LMO7: variants seen among roughly 807,000 people sequenced by gnomAD.
LMO7 encodes LIM domain only protein 7.
In LMO7, 120 loss-of-function variants were observed where a neutral mutation model predicts 206.5. The ratio of observed to expected loss-of-function variants is 0.58; its 90% CI spans 0.50 to 0.68. The LOEUF (loss-of-function observed/expected upper bound fraction) is 0.68. Ranked by LOEUF, LMO7 falls within the 30% of genes least tolerant of loss-of-function variation. The pLI, the probability that LMO7 is intolerant of heterozygous loss-of-function variation, is 0.00. For synonymous variants in LMO7, 706 were observed against 681.5 expected (o/e 1.04, Z -0.56); for missense variants, 1,959 against 1,957.9 (o/e 1.00, Z -0.01).
At chr13:75,632,844 T>C (rs1223424859), upstream of LMO7, among the ~76,000 whole-genome samples, 3 of 150,236 alleles carry the variant, frequency 2.0e-5, no homozygotes, top group Admixed American at 6.6e-5. Context: ...ATATGAGGTA[T>C]TCACTAATTA....
intron 19 of LMO7, among the ~76,000 whole-genome samples, chr13:75,837,155 C>T (rs1265113436): frequency 6.6e-6 from 1 of 152,180 alleles, no homozygotes; most frequent in Non-Finnish European, 1.5e-5. Flanking sequence ...TTTAAATCTA[C>T]ATTCGATAGT....
intron 15 of LMO7, among the ~76,000 whole-genome samples, chr13:75,832,413 G>T (rs915973181): frequency 6.6e-6 from 1 of 152,112 alleles, no homozygotes; most frequent in East Asian, 1.9e-4. Flanking sequence ...GGACCCTCTT[G>T]GTATCTTAAG....
At chr13:75,682,719 T>G (rs1175570220) in intron 1 of LMO7, among the ~76,000 whole-genome samples, 1 of 152,158 alleles carries the variant, frequency 6.6e-6, no homozygotes, top group Non-Finnish European at 1.5e-5. Context: ...TCTAGTCCAT[T>G]TCATTGTTCA....
intron 4 of LMO7, among the ~76,000 whole-genome samples, chr13:75,786,632 G>A (rs1034916706): frequency 2.6e-5 from 4 of 151,826 alleles, no homozygotes; most frequent in Non-Finnish European, 4.4e-5. Context: ...TGATCTGCCC[G>A]CCTCGGCCTC....
chr13:75,773,877 GAGA>G (rs945150368), intron 4 of LMO7, among the ~76,000 whole-genome samples: 6 of 152,160 alleles, frequency 3.9e-5, no homozygotes, highest in Admixed American at 6.6e-5. Flanking sequence ...AAGGTGGAAA[GAGA>G]AGTATTCCTC....
intron 4 of LMO7, among the ~76,000 whole-genome samples, chr13:75,762,194 G>A (rs1265919948): frequency 6.6e-6 from 1 of 152,136 alleles, no homozygotes; most frequent in Admixed American, 6.6e-5. Context: ...GTAATTAAAT[G>A]TACGTGGGAG....
intron 1 of LMO7, among the ~76,000 whole-genome samples, chr13:75,673,596 G>A (rs1043679306): frequency 1.3e-5 from 2 of 152,124 alleles, no homozygotes; most frequent in Admixed American, 1.3e-4. Context: ...GACATTTTGG[G>A]ACTGGTCTTT....
intron 6 of LMO7, among the ~76,000 whole-genome samples, chr13:75,797,188 G>A (rs915729012): frequency 7.2e-5 from 11 of 152,186 alleles, no homozygotes; most frequent in African/African-American, 2.7e-4. Context: ...AGTCTTTAAT[G>A]CCCACACTTT....
At chr13:75,731,498 T>C (rs1469242117) in intron 3 of LMO7, among the ~76,000 whole-genome samples, 2 of 152,238 alleles carry the variant, frequency 1.3e-5, no homozygotes, top group South Asian at 2.1e-4. Flanking sequence ...CTTCCTCCAT[T>C]CTTTTATTTT....
intron 4 of LMO7, among the ~76,000 whole-genome samples, chr13:75,789,496 A>G (rs1157928448): frequency 1.3e-5 from 2 of 152,240 alleles, no homozygotes; most frequent in East Asian, 3.9e-4. Context: ...ACGTGGGGAA[A>G]AATTTCCTGT....
intron 1 of LMO7, among the ~76,000 whole-genome samples, chr13:75,710,724 T>A (rs529240970): frequency 3.3e-5 from 5 of 152,216 alleles, no homozygotes; most frequent in South Asian, 2.1e-4. Flanking sequence ...TTTCTAGATA[T>A]ACAATCATGT....
chr13:75,788,581 C>T (rs143199473), intron 4 of LMO7, among the ~76,000 whole-genome samples: 175 of 152,206 alleles, frequency 1.1e-3, no homozygotes, highest in Middle Eastern at 6.8e-3. Context: ...ATATTTAAAC[C>T]AGATGCAGTC....
upstream of LMO7, among the ~76,000 whole-genome samples, chr13:75,632,638 C>T (rs896993144): frequency 5.3e-5 from 8 of 152,188 alleles, no homozygotes; most frequent in African/African-American, 7.2e-5. Context: ...CAAGGCTGTG[C>T]ACTTCTTAAC....
chr13:75,635,145 C>G (rs1221552036), upstream of LMO7, among the ~76,000 whole-genome samples: 5 of 152,092 alleles, frequency 3.3e-5, 1 homozygote, highest in Non-Finnish European at 7.3e-5. Flanking sequence ...AATACAGACG[C>G]TAGGTTTTAG....
At chr13:75,660,638 T>A (rs551243540) in intron 1 of LMO7, among the ~76,000 whole-genome samples, 2 of 152,296 alleles carry the variant, frequency 1.3e-5, no homozygotes, top group African/African-American at 4.8e-5. Context: ...GTCTTTGTTA[T>A]TTCTGCTTTC....
chr13:75,622,203 A>G (rs1322109291), intron 1 of LMO7: 2 of 162,316 alleles, frequency 1.2e-5, no homozygotes, highest in African/African-American at 4.8e-5. Context: ...AGGCATTTTC[A>G]ACCTGAACTT....
At chr13:75,802,838 C>G (rs549109443) in intron 7 of LMO7, among the ~76,000 whole-genome samples, 2 of 152,178 alleles carry the variant, frequency 1.3e-5, no homozygotes, top group African/African-American at 4.8e-5. Flanking sequence ...AATTGATGAG[C>G]ACTATAATGT....
At chr13:75,684,433 C>T (rs574009772) in intron 1 of LMO7, among the ~76,000 whole-genome samples, 103 of 151,888 alleles carry the variant, frequency 6.8e-4, no homozygotes, top group African/African-American at 2.2e-3. Flanking sequence ...TCAGTAGAGA[C>T]GCGGTTTCTC....
Position 75,852,954 on chromosome 13 carries a change from GTA to G in LMO7, c.4365-134_4365-133del, listed in dbSNP as rs1196334340. ...CATCATCATACATCAAGGAACATCT[GTA>G]TATGTAACTAGAATACTTAGATTAA... On this transcript the variant is annotated intron_variant, in intron 27 of 30. Transcript: ENST00000377534. 1.2e-5 allele frequency: 8 copies of G among 685,192 alleles called. No homozygotes were observed. In the Admixed American group the frequency reaches 2.4e-4, roughly 21 times the overall value. The allele number at this position is 685,192 out of a possible 1,614,324, so 42.4% of individuals were successfully genotyped here. A position where few individuals can be genotyped will look rare whatever the true frequency, so the allele number is the denominator to read the frequency against.
Sources: allele counts gnomAD v4.1 joint callset (sites outside exome capture counted in the v4.1 genomes callset), GRCh38; gene constraint gnomAD v4.1.1; transcripts MANE v1.5; gene names NCBI Gene and HGNC (gene_info 2026-07-23, HGNC 2026-07-21).